The following GRID2 variants were observed in gnomAD, a reference collection of about 807,000 sequenced individuals.
GRID2 encodes glutamate ionotropic receptor delta type subunit 2.
Under a neutral mutation model 114.8 loss-of-function variants are expected in GRID2, and 33 were observed. The observed-to-expected ratio is 0.29, with a 90% CI of 0.22 to 0.38. The LOEUF is 0.38. Among genes scored for constraint, GRID2 ranks in the 10% least tolerant of loss-of-function variants. The pLI, the probability that GRID2 is intolerant of heterozygous loss-of-function variation, is 1.00. For missense variants in GRID2, 1,184 were observed against 1,257.7 expected (o/e 0.94, Z 0.89); for synonymous variants, 505 against 449.9 (o/e 1.12, Z -1.55).
intron 2 of GRID2, chr4:92,822,594 G>T (rs759683827): frequency 2.1e-5 from 5 of 238,236 alleles, no homozygotes; most frequent in Non-Finnish European, 4.2e-5. Context: ...AATGGAGAAG[G>T]CCACACTCAA....
intron 1 of GRID2, among the ~76,000 whole-genome samples, chr4:92,493,677 T>C (rs1397024182): frequency 6.6e-6 from 1 of 152,196 alleles, no homozygotes; most frequent in East Asian, 1.9e-4. Flanking sequence ...TGACTCCCGT[T>C]GGCCTTAGGA....
chr4:93,049,604 A>T lies in GRID2; in HGVS notation c.245-35391A>T, dbSNP rs376227158. On this transcript the variant is annotated intron_variant, in intron 2 of 15. Coordinates refer to ENST00000282020, the MANE Select transcript of GRID2 (RefSeq NM_001510.4). Reference sequence around the variant, plus strand: ...TTCCAGCAGAATAAAATAATTAAATATATATTTATTGCTATTTTAAGAAAA... The same window carrying T: ...TTCCAGCAGAATAAAATAATTAAATTTATATTTATTGCTATTTTAAGAAAA... Among the ~76,000 whole-genome samples the T allele has an allele frequency of 9.2e-5, 14 of 151,994 alleles. No individual in the cohort carries two copies. The East Asian group carries it at 2.1e-3, about 23-fold the overall frequency.
chr4:93,226,003 A>G (rs931140403), intron 7 of GRID2, among the ~76,000 whole-genome samples: 1 of 152,092 alleles, frequency 6.6e-6, no homozygotes, highest in African/African-American at 2.4e-5. Context: ...ATGGGCATTA[A>G]TCTATTTACG....
intron 9 of GRID2, among the ~76,000 whole-genome samples, chr4:93,422,112 C>A (rs181328935): frequency 6.6e-6 from 1 of 151,804 alleles, no homozygotes; most frequent in Non-Finnish European, 1.5e-5. Context: ...TTTAAAAAGA[C>A]AAAAATGGGA....
In GRID2 at chr4:93,055,259, A is replaced by G. The variant is rs575244817; in HGVS notation, c.245-29736A>G. Among the ~76,000 whole-genome samples the G allele has an allele frequency of 5.3e-5, 8 of 151,772 alleles. No homozygotes were observed. The East Asian group carries it at 1.6e-3, about 29-fold the overall frequency. On this transcript the variant is annotated intron_variant, in intron 2 of 15. Transcript: ENST00000282020. ...TGGAATCATGAGACCTTACTGCACA[A>G]AGTTCCACCCCTCTCTCTGTGGTCT...
At chr4:92,713,738 T>C (rs1735395922) in intron 2 of GRID2, among the ~76,000 whole-genome samples, 1 of 151,736 alleles carries the variant, frequency 6.6e-6, no homozygotes, top group Non-Finnish European at 1.5e-5. Context: ...AAAATTCCCC[T>C]TTTATAAAAC....
At chr4:93,456,781 C>T (rs1723245756) in intron 11 of GRID2, among the ~76,000 whole-genome samples, 1 of 152,130 alleles carries the variant, frequency 6.6e-6, no homozygotes, top group Non-Finnish European at 1.5e-5. Context: ...CTCTCAATAA[C>T]ATCTTTCTTT....
At chr4:93,490,516 G>T in intron 11 of GRID2, 123 bp from the exon 12 acceptor site, 1 of 647,218 alleles carries the variant, frequency 1.5e-6, no homozygotes, top group Non-Finnish European at 2.8e-6. Flanking sequence ...AGAGATCTAT[G>T]TTGATGTTAA....
intron 1 of GRID2, among the ~76,000 whole-genome samples, chr4:92,568,075 A>T (rs183592965): frequency 1.3e-5 from 2 of 152,132 alleles, no homozygotes; most frequent in African/African-American, 4.8e-5. Flanking sequence ...GGAGGGTCTC[A>T]CTAAGAAGTT....
chr4:93,164,040 C>G (rs1183821202), intron 4 of GRID2, among the ~76,000 whole-genome samples: 1 of 151,932 alleles, frequency 6.6e-6, no homozygotes, highest in Non-Finnish European at 1.5e-5. Context: ...TATCCATGGA[C>G]TGTAAGTTCA....
intron 2 of GRID2, among the ~76,000 whole-genome samples, chr4:92,731,427 C>T (rs890722485): frequency 6.6e-6 from 1 of 151,872 alleles, no homozygotes; most frequent in African/African-American, 2.4e-5. Context: ...TCTGACTACT[C>T]TGAACCTTGG....
At chr4:93,080,029 C>T (rs1729716112) in intron 2 of GRID2, among the ~76,000 whole-genome samples, 1 of 151,942 alleles carries the variant, frequency 6.6e-6, no homozygotes, top group African/African-American at 2.4e-5. Flanking sequence ...GAATTTGTTC[C>T]AGATGATTTT....
At chr4:93,201,920 T>A (rs1432406538) in intron 4 of GRID2, among the ~76,000 whole-genome samples, 1 of 145,546 alleles carries the variant, frequency 6.9e-6, no homozygotes, top group Non-Finnish European at 1.5e-5. Context: ...CAGGACTTGA[T>A]TTTTTTTTTT....
At chr4:92,954,419 T>C (rs1388041781) in intron 2 of GRID2, among the ~76,000 whole-genome samples, 1 of 150,422 alleles carries the variant, frequency 6.6e-6, no homozygotes, top group East Asian at 2.0e-4. Flanking sequence ...TGCAGTTTTA[T>C]TTTATTTTAT....
intron 1 of GRID2, among the ~76,000 whole-genome samples, chr4:92,565,555 A>T (rs1727295667): frequency 6.6e-6 from 1 of 151,946 alleles, no homozygotes; most frequent in South Asian, 2.1e-4. Context: ...CTATCTATCT[A>T]TCTACTAAAT....
intron 1 of GRID2, among the ~76,000 whole-genome samples, chr4:92,330,026 A>AGAGAGAGAGAGAG (rs1553924493): frequency 1.9e-4 from 28 of 150,442 alleles, no homozygotes; most frequent in African/African-American, 5.7e-4. Flanking sequence ...AGAGAGAGAG[A>AGAGAGAGAGAGAG]AACATGCTAG....
intron 7 of GRID2, among the ~76,000 whole-genome samples, chr4:93,236,856 A>G (rs1746856374): frequency 6.6e-6 from 1 of 152,126 alleles, no homozygotes; most frequent in Non-Finnish European, 1.5e-5. Flanking sequence ...TTAATTAACA[A>G]AACAAGATTA....
intron 13 of GRID2, among the ~76,000 whole-genome samples, chr4:93,534,041 A>G (rs1731772649): frequency 6.6e-6 from 1 of 151,660 alleles, no homozygotes; most frequent in African/African-American, 2.4e-5. Flanking sequence ...TCCCCTTTTC[A>G]CTGGCTGTTT....
chr4:92,634,834 T>C (rs1387019202), intron 2 of GRID2, among the ~76,000 whole-genome samples: 1 of 148,002 alleles, frequency 6.8e-6, no homozygotes, highest in Non-Finnish European at 1.5e-5. Flanking sequence ...TGAATTTTAA[T>C]TCGCATGCAT....
Sources: allele counts gnomAD v4.1 joint callset (sites outside exome capture counted in the v4.1 genomes callset), GRCh38; gene constraint gnomAD v4.1.1; transcripts MANE v1.5; gene names NCBI Gene and HGNC (gene_info 2026-07-23, HGNC 2026-07-21).